The following AGTPBP1 variants were observed in gnomAD, a reference collection of about 807,000 sequenced individuals.
AGTPBP1 encodes ATP/GTP binding carboxypeptidase 1.
A neutral mutation model predicts 143.9 loss-of-function variants in AGTPBP1; 70 were observed. The ratio of observed to expected loss-of-function variants is 0.49; its 90% confidence interval spans 0.40 to 0.59. The LOEUF (loss-of-function observed/expected upper bound fraction) is 0.59, where lower values mean the gene tolerates loss of function less well. Ranked by LOEUF, AGTPBP1 falls within the 20% of genes least tolerant of loss-of-function variation. AGTPBP1 has a pLI of 0.00. For missense variants in AGTPBP1, 1,229 were observed against 1,464.5 expected (o/e 0.84, Z 2.62); for synonymous variants, 463 against 500.2 (o/e 0.93, Z 0.99).
chr9:85,591,124 AT>A (rs1828932221), intron 19 of AGTPBP1, among the ~76,000 whole-genome samples: 1 of 151,432 alleles, frequency 6.6e-6, no homozygotes. Flanking sequence ...AGAGTAATAT[AT>A]TTTAAAGTCT....
chr9:85,629,838 G>A (rs1036663187), intron 14 of AGTPBP1, among the ~76,000 whole-genome samples: 4 of 152,100 alleles, frequency 2.6e-5, no homozygotes, highest in Admixed American at 6.5e-5. Flanking sequence ...TGTCTTGACC[G>A]ATGAAAGCTT....
At chr9:85,633,593 GA>G (rs1281866997) in intron 13 of AGTPBP1, among the ~76,000 whole-genome samples, 1 of 152,056 alleles carries the variant, frequency 6.6e-6, no homozygotes, top group African/African-American at 2.4e-5. Flanking sequence ...AGAAATGTGG[GA>G]AATCTTAGAA....
chr9:85,742,144 T>G, upstream of AGTPBP1: 1 of 694,336 alleles, frequency 1.4e-6, no homozygotes, highest in East Asian at 6.0e-5. Flanking sequence ...TCTGCGCGCC[T>G]GACGGGAGGG....
At chr9:85,635,451 AT>A (rs1018258715) in intron 13 of AGTPBP1, among the ~76,000 whole-genome samples, 3 of 152,202 alleles carry the variant, frequency 2.0e-5, no homozygotes, top group Non-Finnish European at 2.9e-5. Context: ...TAAAAAACAC[AT>A]TTTGTAGGAA....
chr9:85,622,125 T>C (rs930336223), intron 14 of AGTPBP1, among the ~76,000 whole-genome samples: 2 of 152,206 alleles, frequency 1.3e-5, no homozygotes, highest in African/African-American at 4.8e-5. Context: ...CTACTTCTCA[T>C]GTAAAATTTA....
the AGTPBP1 span, among the ~76,000 whole-genome samples, chr9:85,796,367 C>T: frequency 4.6e-5 from 7 of 152,292 alleles, no homozygotes; most frequent in South Asian, 1.2e-3. Flanking sequence ...TTGCAAATAT[C>T]ACATTTCATT....
intron 1 of AGTPBP1, chr9:85,741,163 C>G (rs944216038): frequency 5.2e-6 from 5 of 963,956 alleles, no homozygotes; most frequent in Non-Finnish European, 4.9e-6. Context: ...GATTCAGGTT[C>G]AAACCAAACG....
chr9:85,602,413 TA>T (rs1829731186), intron 17 of AGTPBP1, among the ~76,000 whole-genome samples: 1 of 152,060 alleles, frequency 6.6e-6, no homozygotes, highest in South Asian at 2.1e-4. Flanking sequence ...TTTCAGAACT[TA>T]AAGACAGGTG....
chr9:85,790,519 C>T, the AGTPBP1 span, among the ~76,000 whole-genome samples: 1 of 152,094 alleles, frequency 6.6e-6, no homozygotes, highest in African/African-American at 2.4e-5. Flanking sequence ...CCCAACATGA[C>T]TCCAACATGG....
chr9:85,623,289 A>G (rs1831059382), intron 14 of AGTPBP1, among the ~76,000 whole-genome samples: 1 of 152,194 alleles, frequency 6.6e-6, no homozygotes, highest in Non-Finnish European at 1.5e-5. Flanking sequence ...TTGGTTTAAA[A>G]AAAAAAATGC....
chr9:85,722,476 T>C (rs1388965496), intron 1 of AGTPBP1, among the ~76,000 whole-genome samples: 1 of 152,244 alleles, frequency 6.6e-6, no homozygotes, highest in Non-Finnish European at 1.5e-5. Flanking sequence ...TATTGAAGCT[T>C]GTGCATGCGT....
At chr9:85,627,099 T>C (rs1831348462) in intron 14 of AGTPBP1, among the ~76,000 whole-genome samples, 1 of 152,146 alleles carries the variant, frequency 6.6e-6, no homozygotes, top group Non-Finnish European at 1.5e-5. Context: ...ATCAAAAGAA[T>C]TATGAAACAA....
intron 15 of AGTPBP1, among the ~76,000 whole-genome samples, chr9:85,620,417 A>C (rs1248945624): frequency 7.2e-6 from 1 of 138,142 alleles, no homozygotes; most frequent in African/African-American, 2.9e-5. Flanking sequence ...ATGGGACTTC[A>C]TCTAAAAAAA....
At chr9:85,579,836 A>C (rs746450514) in intron 23 of AGTPBP1, among the ~76,000 whole-genome samples, 16 of 150,552 alleles carry the variant, frequency 1.1e-4, no homozygotes, top group Non-Finnish European at 1.8e-4. Context: ...TAAGAAAAAC[A>C]ATCTAAAGTC....
At chr9:85,781,114 C>T in the AGTPBP1 span, 22 of 1,428,068 alleles carry the variant, frequency 1.5e-5, no homozygotes, top group East Asian at 2.6e-5. Context: ...TGCAAGACTC[C>T]GTTTCAAAAA....
intron 25 of AGTPBP1, among the ~76,000 whole-genome samples, chr9:85,560,160 G>C (rs1420601903): frequency 3.9e-5 from 6 of 152,078 alleles, no homozygotes; most frequent in Non-Finnish European, 7.4e-5. Flanking sequence ...TGAAACTAAT[G>C]GTCTTGAGTT....
chr9:85,693,987 A>G (rs551952865), intron 2 of AGTPBP1, among the ~76,000 whole-genome samples: 6 of 152,342 alleles, frequency 3.9e-5, no homozygotes, highest in Admixed American at 3.9e-4. Context: ...GCCATGTTCT[A>G]TGAACAATGA....
At chr9:85,770,766 G>A in the AGTPBP1 span, among the ~76,000 whole-genome samples, 34 of 152,166 alleles carry the variant, frequency 2.2e-4, 1 homozygote, top group South Asian at 7.1e-3. Flanking sequence ...AAGAATTTAA[G>A]TTATATTCCT....
At chr9:85,683,464 C>T (rs991085590) in intron 3 of AGTPBP1, among the ~76,000 whole-genome samples, 1 of 152,094 alleles carries the variant, frequency 6.6e-6, no homozygotes, top group Non-Finnish European at 1.5e-5. Flanking sequence ...GTAAAAAAAA[C>T]TATCTTCCTT....
Sources: gnomAD v4.1 joint callset for allele counts (sites outside exome capture counted in the v4.1 genomes callset) on GRCh38, gnomAD v4.1.1 for gene constraint, MANE v1.5 for transcripts, NCBI Gene and HGNC (gene_info 2026-07-23, HGNC 2026-07-21) for gene names.